The following GABPB1 variants were observed in gnomAD, a reference collection of about 807,000 sequenced individuals.
The protein encoded by GABPB1 is GA-binding protein subunit beta-1.
In GABPB1, 15 loss-of-function variants were observed where a neutral mutation model predicts 45.9. The ratio of observed to expected loss-of-function variants is 0.33; its 90% confidence interval spans 0.22 to 0.50. The LOEUF (loss-of-function observed/expected upper bound fraction) is 0.50, where lower values mean the gene tolerates loss of function less well. GABPB1 is among the 20% of genes least tolerant of loss of function. GABPB1 has a pLI of 0.98. For missense variants in GABPB1, 252 were observed against 457.5 expected (o/e 0.55, Z 4.10); for synonymous variants, 143 against 154.4 (o/e 0.93, Z 0.55).
intron 1 of GABPB1, among the ~76,000 whole-genome samples, chr15:50,327,617 G>A (rs1190457585): frequency 3.3e-5 from 5 of 152,094 alleles, no homozygotes; most frequent in African/African-American, 1.2e-4. Flanking sequence ...AGTTTAAGAT[G>A]GGATGACCGG....
At chr15:50,300,111 T>C (rs112281738) in intron 6 of GABPB1, among the ~76,000 whole-genome samples, 132 of 152,252 alleles carry the variant, frequency 8.7e-4, no homozygotes, top group African/African-American at 3.1e-3. Context: ...CCAGCCAAAG[T>C]GAGTTGTTTA....
At chr15:50,354,036 C>G (rs1045785361) in intron 1 of GABPB1, 10 of 241,226 alleles carry the variant, frequency 4.1e-5, no homozygotes, top group African/African-American at 2.4e-4. Context: ...GTACTGAAAA[C>G]AAGCTTAAAG....
At chr15:50,326,250 A>G (rs1392805213) in intron 1 of GABPB1, among the ~76,000 whole-genome samples, 1 of 152,198 alleles carries the variant, frequency 6.6e-6, no homozygotes, top group African/African-American at 2.4e-5. Context: ...ATGGTGGTTC[A>G]TGCCCATAAT....
At chr15:50,346,016 T>C (rs2048564688) in intron 1 of GABPB1, among the ~76,000 whole-genome samples, 1 of 152,154 alleles carries the variant, frequency 6.6e-6, no homozygotes, top group Non-Finnish European at 1.5e-5. Flanking sequence ...CGGTGAGAAG[T>C]CTGTACATAT....
At chr15:50,296,812 A>C (rs1426238181) in intron 6 of GABPB1, among the ~76,000 whole-genome samples, 1 of 152,152 alleles carries the variant, frequency 6.6e-6, no homozygotes, top group African/African-American at 2.4e-5. Context: ...TCAGAGAAAT[A>C]ATCTGTGGTA....
intron 6 of GABPB1, among the ~76,000 whole-genome samples, chr15:50,296,301 T>A: frequency 6.6e-6 from 1 of 152,186 alleles, no homozygotes; most frequent in Non-Finnish European, 1.5e-5. Context: ...TTGGTCAACA[T>A]CATTTAAAAA....
intron 8 of GABPB1, chr15:50,282,350 G>C (rs1413375768): frequency 2.2e-6 from 1 of 450,934 alleles, no homozygotes; most frequent in African/African-American, 2.0e-5. Flanking sequence ...CTTGAGGCCA[G>C]GAGTCCAAGA....
intron 3 of GABPB1, among the ~76,000 whole-genome samples, chr15:50,303,449 C>G (rs988679631): frequency 1.3e-5 from 2 of 151,984 alleles, no homozygotes. Context: ...TTTGGGAGCC[C>G]AAGGCAGGCG....
intron 2 of GABPB1, among the ~76,000 whole-genome samples, chr15:50,305,470 G>A (rs1300584568): frequency 6.6e-6 from 1 of 152,072 alleles, no homozygotes; most frequent in Non-Finnish European, 1.5e-5. Flanking sequence ...GTCCACCTCA[G>A]CCTCCAGAGT....
chr15:50,301,256 C>G lies in GABPB1; in HGVS notation c.583+1G>C. 6.2e-7 allele frequency: 1 copy of G among 1,614,094 alleles called. No individual in the cohort carries two copies. Among genetic ancestry groups the G allele is most frequent in the Non-Finnish European group, 8.5e-7 (1 of 1,179,986 alleles). On this transcript the variant is annotated splice_donor_variant, in intron 5 of 8. Transcript: ENST00000380877. LOFTEE classifies it high-confidence loss of function. The stretch of plus-strand genomic sequence containing the variant: ...GGATGAATTTTCTGAAGATACCAGA[C>G]CTGTTAGGTTCACCACCCCTCCAGG...
Position 50,281,457 on chromosome 15 carries a change from C to T in GABPB1, c.1000-2673G>A, listed in dbSNP as rs377207875. Among the ~76,000 whole-genome samples, 557 of 152,244 alleles carry T rather than the reference C, an allele frequency of 3.7e-3. 2 individuals are homozygous for T. Among genetic ancestry groups the T allele is most frequent in the African/African-American group, 0.013 (529 of 41,544 alleles). On this transcript the variant is annotated intron_variant, in intron 8 of 8. Coordinates refer to ENST00000380877, the MANE Select transcript of GABPB1 (RefSeq NM_016654.5). ...CAATCTCCTGACCTCGTGATCTGCC[C>T]GCCTTGGCCTCCCAAAGTGCTAGGA...
intron 2 of GABPB1, among the ~76,000 whole-genome samples, chr15:50,304,714 G>GAAAAAAAAA (rs1230865292): frequency 9.5e-6 from 1 of 105,416 alleles, no homozygotes; most frequent in Non-Finnish European, 2.0e-5. Context: ...TTGGTCTAAA[G>GAAAAAAAAA]AAAAAAAAAA....
intron 4 of GABPB1, among the ~76,000 whole-genome samples, chr15:50,302,486 C>T (rs1018100848): frequency 2.0e-5 from 3 of 151,232 alleles, no homozygotes; most frequent in African/African-American, 7.3e-5. Flanking sequence ...CTACTTAAAA[C>T]ACAAAAAATT....
intron 8 of GABPB1, among the ~76,000 whole-genome samples, chr15:50,283,963 A>G (rs1364034067): frequency 6.6e-6 from 1 of 152,160 alleles, no homozygotes; most frequent in African/African-American, 2.4e-5. Context: ...TGGGCCACAC[A>G]GTTCTTTATT....
At chr15:50,324,435 G>A (rs1455935644) in intron 1 of GABPB1, among the ~76,000 whole-genome samples, 1 of 151,840 alleles carries the variant, frequency 6.6e-6, no homozygotes, top group Non-Finnish European at 1.5e-5. Context: ...CCTGACCAAG[G>A]TCCCAAAGCT....
intron 8 of GABPB1, among the ~76,000 whole-genome samples, chr15:50,282,548 T>C (rs1214865525): frequency 2.2e-5 from 1 of 45,438 alleles, no homozygotes; most frequent in Non-Finnish European, 5.6e-5. Flanking sequence ...AGTGAGACCC[T>C]GCCTTAAAAA....
intron 6 of GABPB1, among the ~76,000 whole-genome samples, chr15:50,292,879 CAT>C (rs1328418886): frequency 4.7e-5 from 7 of 148,352 alleles, no homozygotes; most frequent in East Asian, 2.0e-4. Flanking sequence ...TACATGCACA[CAT>C]GTGTCAGAGA....
At chr15:50,286,014 T>A (rs776534214) in intron 8 of GABPB1, 54 bp downstream of exon 8, 90 of 1,582,308 alleles carry the variant, frequency 5.7e-5, no homozygotes, top group Non-Finnish European at 7.5e-5. Flanking sequence ...ACAAAAAAAA[T>A]TGAATTTATT....
At chr15:50,304,844 G>C (rs1014882733) in intron 2 of GABPB1, among the ~76,000 whole-genome samples, 4 of 151,984 alleles carry the variant, frequency 2.6e-5, no homozygotes, top group Non-Finnish European at 5.9e-5. Context: ...TCAAATAAAT[G>C]TAACAGTGTA....
Sources: gnomAD v4.1 joint callset for allele counts (sites outside exome capture counted in the v4.1 genomes callset) on GRCh38, gnomAD v4.1.1 for gene constraint, MANE v1.5 for transcripts, NCBI Gene and HGNC (gene_info 2026-07-23, HGNC 2026-07-21) for gene names.